STX2: variants seen among roughly 807,000 people sequenced by gnomAD.
STX2 encodes syntaxin 2.
Under a neutral mutation model 40.6 loss-of-function variants are expected in STX2, and 27 were observed. That is an observed-to-expected ratio of 0.66 (90% CI 0.49 to 0.92). The LOEUF (loss-of-function observed/expected upper bound fraction) is 0.92, where lower values mean the gene tolerates loss of function less well. Among genes scored for constraint, STX2 ranks in the 40% least tolerant of loss-of-function variants. The pLI, the probability that STX2 is intolerant of heterozygous loss-of-function variation, is 0.00. For missense variants in STX2, 328 were observed against 366.1 expected (o/e 0.90, Z 0.85); for synonymous variants, 123 against 119.1 (o/e 1.03, Z -0.22).
chr12:130,811,533 C>CAT (rs1951653587), intron 4 of STX2, among the ~76,000 whole-genome samples: 1 of 130,236 alleles, frequency 7.7e-6, no homozygotes, highest in Non-Finnish European at 1.6e-5. Flanking sequence ...TCACCATTAA[C>CAT]ATCTTTTTTT....
chr12:130,821,932 G>A (rs530235988), intron 2 of STX2, 144 bp from the exon 3 acceptor site: 15 of 572,078 alleles, frequency 2.6e-5, no homozygotes, highest in Non-Finnish European at 3.4e-5. Context: ...CACTGGTATC[G>A]TTAAATTTAA....
chr12:130,822,899 A>T (rs1952168915), intron 2 of STX2, among the ~76,000 whole-genome samples: 2 of 152,240 alleles, frequency 1.3e-5, no homozygotes, highest in Non-Finnish European at 2.9e-5. Flanking sequence ...TTAAAGTCGC[A>T]AGTGTTCTTA....
intron 1 of STX2, among the ~76,000 whole-genome samples, chr12:130,834,774 A>G (rs1436081762): frequency 1.3e-5 from 2 of 152,222 alleles, no homozygotes; most frequent in Non-Finnish European, 2.9e-5. Context: ...AGGATTGCAT[A>G]AGTTATGACA....
chr12:130,833,655 T>G (rs575518529), intron 1 of STX2, among the ~76,000 whole-genome samples: 1 of 152,166 alleles, frequency 6.6e-6, no homozygotes, highest in African/African-American at 2.4e-5. Context: ...AAGTGATCCT[T>G]CCACCTTGGA....
chr12:130,800,860 T>A (rs1402421211), intron 8 of STX2, among the ~76,000 whole-genome samples: 2 of 152,250 alleles, frequency 1.3e-5, no homozygotes. Flanking sequence ...AACATCTGCA[T>A]ATTTCAGTAA....
At chr12:130,836,345 A>C (rs565123031) in intron 1 of STX2, among the ~76,000 whole-genome samples, 3 of 152,084 alleles carry the variant, frequency 2.0e-5, no homozygotes, top group Non-Finnish European at 4.4e-5. Flanking sequence ...ATCTTGGCTC[A>C]CTGCAACCTC....
chr12:130,806,305 C>G (rs1418597371), intron 6 of STX2, among the ~76,000 whole-genome samples: 1 of 152,112 alleles, frequency 6.6e-6, no homozygotes, highest in East Asian at 1.9e-4. Flanking sequence ...GGTCCAAGGC[C>G]CCAGGTCAGG....
chr12:130,816,417 G>C (rs576983857), intron 3 of STX2, among the ~76,000 whole-genome samples: 3 of 152,188 alleles, frequency 2.0e-5, no homozygotes, highest in African/African-American at 4.8e-5. Flanking sequence ...ACAGGCCCAC[G>C]GGGCTTGAGC....
intron 10 of STX2, among the ~76,000 whole-genome samples, chr12:130,793,759 C>T (rs1175280145): frequency 6.6e-6 from 1 of 152,242 alleles, no homozygotes; most frequent in Non-Finnish European, 1.5e-5. Context: ...GCACCTGGCA[C>T]ACCCTGCAGG....
At chr12:130,805,097 G>A (rs866323436) in intron 6 of STX2, among the ~76,000 whole-genome samples, 8 of 152,222 alleles carry the variant, frequency 5.3e-5, no homozygotes, top group Admixed American at 4.6e-4. Flanking sequence ...CCGGCTGCCT[G>A]TAATGATGAC....
chr12:130,838,929 C>A (rs1383353157), intron 1 of STX2, 141 bp downstream of exon 1: 4 of 922,050 alleles, frequency 4.3e-6, no homozygotes, highest in Non-Finnish European at 5.6e-6. Context: ...GAGACCCTGC[C>A]CGCAGCCCCC....
intron 3 of STX2, among the ~76,000 whole-genome samples, chr12:130,820,793 C>G (rs4759522): frequency 1 from 151,833 of 152,346 alleles, 75,662 homozygotes; most frequent in Middle Eastern, 1. Flanking sequence ...CCCACAGCAC[C>G]GCACAGACCG....
At chr12:130,804,358 AACC>A (rs1951345682) in intron 6 of STX2, among the ~76,000 whole-genome samples, 2 of 152,154 alleles carry the variant, frequency 1.3e-5, no homozygotes, top group African/African-American at 4.8e-5. Flanking sequence ...CCTGAAGCAA[AACC>A]ACCGTGATGA....
Position 130,839,063 on chromosome 12 carries a change from CG to C in STX2, c.30+6del. On this transcript the variant is annotated splice_donor_region_variant and intron_variant, in intron 1 of 10. Transcript: ENST00000392373. ...GGCCTGAACCGCTACCCGCGGCTGCCGCTCACCGCCGTCAGGTCTGGCAGCC... is the reference window on the plus strand; with the variant it reads ...GGCCTGAACCGCTACCCGCGGCTGCCCTCACCGCCGTCAGGTCTGGCAGCC... The C allele has an allele frequency of 7.5e-7, 1 of 1,342,072 alleles. No homozygotes were observed. The highest frequency in any genetic ancestry group is 9.6e-7 in the Non-Finnish European group (1 of 1,043,780). 83.1% of individuals were successfully genotyped at this position (1,342,072 alleles called of 1,614,324 possible).
intron 1 of STX2, among the ~76,000 whole-genome samples, chr12:130,832,420 C>A (rs946471411): frequency 1.3e-5 from 2 of 152,036 alleles, no homozygotes; most frequent in Non-Finnish European, 2.9e-5. Flanking sequence ...GGAACATACA[C>A]ACACATGCAG....
In STX2 at chr12:130,801,436, C is replaced by T. The variant is rs538997351; in HGVS notation, c.516G>A (p.Lys172=). Residue 172 remains lysine (K), a synonymous_variant, in exon 7 of 11, where the codon AAG becomes AAA. Transcript: ENST00000392373. ...TCACGTCGGAAGTGAAGATGGATGGCTTCCCGCTCTCCAGCATCTCTTCTA... is the reference window on the plus strand; with the variant it reads ...TCACGTCGGAAGTGAAGATGGATGGTTTCCCGCTCTCCAGCATCTCTTCTA... ...DELEEMLESG[K]PSIFTSDIIS... 1 of 1,610,904 alleles carries T rather than the reference C, an allele frequency of 6.2e-7. No individual in the cohort carries two copies. Among genetic ancestry groups the T allele is most frequent in the South Asian group, 1.1e-5 (1 of 90,472 alleles).
At chr12:130,792,586 C>T (rs1950909637) in intron 10 of STX2, among the ~76,000 whole-genome samples, 1 of 152,160 alleles carries the variant, frequency 6.6e-6, no homozygotes, top group African/African-American at 2.4e-5. Flanking sequence ...ACCTCAGTGT[C>T]CCAAGGAGCT....
intron 2 of STX2, among the ~76,000 whole-genome samples, chr12:130,825,384 T>G (rs1196771244): frequency 6.6e-6 from 1 of 152,192 alleles, no homozygotes; most frequent in Non-Finnish European, 1.5e-5. Flanking sequence ...TGGCAGGAGA[T>G]TCTTTAAAAT....
At position 130,827,206 on chromosome 12, in the gene STX2, T is replaced by C. The variant is rs1199542875; in HGVS notation, c.92A>G (p.Asp31Gly). 6.2e-7 allele frequency: 1 copy of C among 1,613,402 alleles called. No individual in the cohort carries two copies. Among genetic ancestry groups the C allele is most frequent in the Non-Finnish European group, 8.5e-7 (1 of 1,179,736 alleles). The change falls in exon 2 of 11, where the codon GAT becomes GGT. Residue 31 changes from aspartate to glycine, a missense_variant. Coordinates refer to ENST00000392373, the MANE Select transcript of STX2 (RefSeq NM_194356.4). ...AAACGCTCTTACCTGATGGAAGAAA[T>C]CATCCATGAAATGATCTTTCTCAAC... ...VVVEKDHFMDDFFHQVEEIRN... is the reference protein window; with the variant it reads ...VVVEKDHFMDGFFHQVEEIRN...
Sources: gnomAD v4.1 joint callset for allele counts (sites outside exome capture counted in the v4.1 genomes callset) on GRCh38, gnomAD v4.1.1 for gene constraint, MANE v1.5 for transcripts, NCBI Gene and HGNC (gene_info 2026-07-23, HGNC 2026-07-21) for gene names.